Variants in NRXN3 observed in about 807,000 individuals in gnomAD.
The protein encoded by NRXN3 is neurexin III.
A neutral mutation model predicts 137.6 loss-of-function variants in NRXN3; 32 were observed. The observed-to-expected ratio is 0.23, with a 90% CI of 0.18 to 0.31. The LOEUF is 0.31. NRXN3 is among the 10% of genes least tolerant of loss of function. NRXN3 has a pLI of 1.00. For synonymous variants in NRXN3, 798 were observed against 784.5 expected (o/e 1.02, Z -0.29); for missense variants, 1,574 against 2,062.5 (o/e 0.76, Z 4.59).
intron 3 of NRXN3, among the ~76,000 whole-genome samples, chr14:78,297,328 A>G (rs2076443398): frequency 6.6e-6 from 1 of 152,140 alleles, no homozygotes; most frequent in African/African-American, 2.4e-5. Context: ...AAAAAGTTGG[A>G]TGGTAGTCTC....
At chr14:79,654,624 T>G (rs749877352) in intron 16 of NRXN3, among the ~76,000 whole-genome samples, 9 of 152,308 alleles carry the variant, frequency 5.9e-5, no homozygotes, top group African/African-American at 1.9e-4. Context: ...CTCCTCCAAC[T>G]TTTGCATATT....
chr14:79,761,313 C>T (rs974128074), intron 19 of NRXN3, among the ~76,000 whole-genome samples: 1 of 151,534 alleles, frequency 6.6e-6, no homozygotes, highest in Non-Finnish European at 1.5e-5. Flanking sequence ...TTCATCATAG[C>T]TGGGTGTGAA....
chr14:79,543,018 G>A (rs1253165615), intron 16 of NRXN3, among the ~76,000 whole-genome samples: 1 of 152,158 alleles, frequency 6.6e-6, no homozygotes, highest in Admixed American at 6.5e-5. Flanking sequence ...CAGGTATTCA[G>A]TTGAAAGGAC....
At chr14:79,509,196 A>T (rs748353189) in intron 16 of NRXN3, among the ~76,000 whole-genome samples, 4 of 151,854 alleles carry the variant, frequency 2.6e-5, no homozygotes, top group Admixed American at 2.0e-4. Context: ...TCTGTCTCAA[A>T]AATAATAATA....
intron 15 of NRXN3, among the ~76,000 whole-genome samples, chr14:79,223,491 T>C (rs1047602825): frequency 6.6e-6 from 1 of 152,184 alleles, no homozygotes; most frequent in African/African-American, 2.4e-5. Flanking sequence ...GAAATTCTTT[T>C]GACAATCTGA....
chr14:78,819,367 A>G (rs1252035605), intron 10 of NRXN3, among the ~76,000 whole-genome samples: 1 of 152,198 alleles, frequency 6.6e-6, no homozygotes, highest in Non-Finnish European at 1.5e-5. Flanking sequence ...AACCAATATA[A>G]CAATAGAAAA....
intron 19 of NRXN3, among the ~76,000 whole-genome samples, chr14:79,746,339 A>C (rs528809538): frequency 6.6e-6 from 1 of 152,294 alleles, no homozygotes; most frequent in Admixed American, 6.5e-5. Context: ...TTTGGAAAGC[A>C]TAGAGTCAGG....
intron 18 of NRXN3, among the ~76,000 whole-genome samples, chr14:79,694,958 A>G (rs2098729972): frequency 6.6e-6 from 1 of 152,020 alleles, no homozygotes; most frequent in South Asian, 2.1e-4. Context: ...AAACTGAAAC[A>G]TAGACAACCC....
chr14:78,673,731 C>T (rs577999751), intron 6 of NRXN3, among the ~76,000 whole-genome samples: 9 of 152,122 alleles, frequency 5.9e-5, no homozygotes, highest in Non-Finnish European at 1.0e-4. Context: ...CTCCTAAGGG[C>T]GCTAATCCCA....
chr14:78,983,445 G>A lies in NRXN3; in HGVS notation c.3143-4577G>A, dbSNP rs569121209. ...TAAAGAAAATGTGGTATATGTACACGATGCAATACATTTGCTCATTTTTTG... is the reference window on the plus strand; with the variant it reads ...TAAAGAAAATGTGGTATATGTACACAATGCAATACATTTGCTCATTTTTTG... On this transcript the variant is annotated intron_variant, in intron 14 of 20. Transcript: ENST00000335750. Among the ~76,000 whole-genome samples the A allele has an allele frequency of 3.9e-5, 6 of 152,264 alleles. No individual in the cohort carries two copies. The South Asian group carries it at 6.2e-4, about 16-fold the overall frequency.
At chr14:79,603,779 G>A (rs1348210560) in intron 16 of NRXN3, among the ~76,000 whole-genome samples, 2 of 152,078 alleles carry the variant, frequency 1.3e-5, no homozygotes, top group Admixed American at 6.5e-5. Context: ...TACAACCAAA[G>A]GAAAATGAAT....
intron 19 of NRXN3, among the ~76,000 whole-genome samples, chr14:79,795,562 A>G (rs1278502662): frequency 6.6e-6 from 1 of 152,094 alleles, no homozygotes; most frequent in Non-Finnish European, 1.5e-5. Flanking sequence ...TTTTTCCTTC[A>G]TAGTTCTGTC....
intron 15 of NRXN3, among the ~76,000 whole-genome samples, chr14:79,395,068 G>A (rs1037422841): frequency 2.0e-5 from 3 of 152,174 alleles, no homozygotes; most frequent in African/African-American, 4.8e-5. Flanking sequence ...TCACTATTGA[G>A]TACTCACAAA....
At chr14:78,513,095 C>T (rs140411529) in intron 4 of NRXN3, among the ~76,000 whole-genome samples, 1 of 152,264 alleles carries the variant, frequency 6.6e-6, no homozygotes, top group East Asian at 1.9e-4. Flanking sequence ...ATCTCAGAGG[C>T]TATGAATCTG....
At chr14:78,343,932 C>T (rs1316956519) in intron 4 of NRXN3, among the ~76,000 whole-genome samples, 1 of 152,224 alleles carries the variant, frequency 6.6e-6, no homozygotes, top group Non-Finnish European at 1.5e-5. Context: ...TTCTATTAGG[C>T]AGTGATGCTT....
chr14:79,222,983 AC>A (rs1248244446), intron 15 of NRXN3, among the ~76,000 whole-genome samples: 1 of 152,082 alleles, frequency 6.6e-6, no homozygotes. Flanking sequence ...CATTCTCTTG[AC>A]AGTTACATCA....
chr14:79,054,007 G>C (rs2099647946), intron 15 of NRXN3, among the ~76,000 whole-genome samples: 1 of 122,716 alleles, frequency 8.1e-6, no homozygotes, highest in South Asian at 2.4e-4. Context: ...CATGTCCTTT[G>C]TAGTGACATG....
chr14:79,022,763 T>G (rs951663082), intron 15 of NRXN3, among the ~76,000 whole-genome samples: 7 of 152,134 alleles, frequency 4.6e-5, no homozygotes, highest in Admixed American at 3.9e-4. Flanking sequence ...AATACAAAAG[T>G]GCTGGTTAAA....
chr14:78,578,813 G>GAAAGGGCA (rs1417539325), intron 4 of NRXN3, among the ~76,000 whole-genome samples: 3 of 152,178 alleles, frequency 2.0e-5, no homozygotes, highest in Admixed American at 1.3e-4. Context: ...GGGTACAAAG[G>GAAAGGGCA]AAAGGGCACC....
Sources: gnomAD v4.1 joint callset for allele counts (sites outside exome capture counted in the v4.1 genomes callset) on GRCh38, gnomAD v4.1.1 for gene constraint, MANE v1.5 for transcripts, NCBI Gene and HGNC (gene_info 2026-07-23, HGNC 2026-07-21) for gene names.